PRR14L: variants seen among roughly 807,000 people sequenced by gnomAD.
PRR14L encodes the protein proline rich 14 like, also known as protein PRR14L.
PRR14L carries 80 observed loss-of-function variants against 155.0 expected under a neutral mutation model. The ratio of observed to expected loss-of-function variants is 0.52; its 90% confidence interval spans 0.43 to 0.62. The LOEUF (loss-of-function observed/expected upper bound fraction) is 0.62, where lower values mean the gene tolerates loss of function less well. Among genes scored for constraint, PRR14L ranks in the 20% least tolerant of loss-of-function variants. PRR14L has a pLI of 0.00. For synonymous variants in PRR14L, 883 were observed against 916.0 expected (o/e 0.96, Z 0.65); for missense variants, 2,469 against 2,548.0 (o/e 0.97, Z 0.67).
rs543985222 is a variant in PRR14L at position 31,738,622 on chromosome 22, T to C, written c.239A>G (p.Tyr80Cys). 3.2e-5 allele frequency: 49 copies of C among 1,552,092 alleles called. 1 individual carries two copies. The highest frequency in any genetic ancestry group is 2.9e-4 in the Admixed American group (15 of 50,990). ...THVESCCEET[Y>C]ETLDHGSEPG... ...CTCACTCCCATGATCCAAGGTCTCA[T>C]AGGTTTCTTCACAACAACTCTCCAC... is the stretch of plus-strand genomic sequence containing the variant. Residue 80 changes from tyrosine to cysteine, a missense_variant, in exon 2 of 9, where the codon TAT becomes TGT. By Grantham distance (194) the Tyr-to-Cys change is radical. Coordinates refer to ENST00000327423, the MANE Select transcript of PRR14L (RefSeq NM_173566.3).
chr22:31,749,669 A>G (rs1183168960), intron 1 of PRR14L, among the ~76,000 whole-genome samples: 1 of 152,196 alleles, frequency 6.6e-6, no homozygotes, highest in Non-Finnish European at 1.5e-5. Flanking sequence ...GCTAAGAAAG[A>G]GCGTACGCCT....
intron 3 of PRR14L, 44 bp downstream of exon 3, chr22:31,725,494 T>A: frequency 2.3e-6 from 3 of 1,276,942 alleles, no homozygotes. Flanking sequence ...AAAACAGTAT[T>A]TGCAGTAAGT....
chr22:31,725,027 CCA>C (rs1354358592), intron 3 of PRR14L, among the ~76,000 whole-genome samples: 1 of 152,130 alleles, frequency 6.6e-6, no homozygotes, highest in Non-Finnish European at 1.5e-5. Context: ...CTCCCCTGTT[CCA>C]GTTAACCCTT....
chr22:31,682,699 A>G lies in PRR14L; in HGVS notation c.*2828T>C, dbSNP rs1411315001. On this transcript the variant is annotated 3_prime_UTR_variant, in exon 9 of 9. Coordinates refer to ENST00000327423, the MANE Select transcript of PRR14L (RefSeq NM_173566.3). ...TCCTCTTTCCCATATTAAAAACACTAAACCTCTGGAAGTGATAGTTGAGTA... is the reference window on the plus strand; with the variant it reads ...TCCTCTTTCCCATATTAAAAACACTGAACCTCTGGAAGTGATAGTTGAGTA... 3 of 152,204 alleles carry G rather than the reference A, an allele frequency of 2.0e-5. No individual in the cohort carries two copies. Among genetic ancestry groups the G allele is most frequent in the Non-Finnish European group, 2.9e-5 (2 of 68,038 alleles). The allele number at this position is 152,204 out of a possible 1,614,324, so 9.4% of individuals were successfully genotyped here.
At chr22:31,723,946 G>A (rs1248070849) in intron 3 of PRR14L, among the ~76,000 whole-genome samples, 2 of 152,226 alleles carry the variant, frequency 1.3e-5, no homozygotes, top group Non-Finnish European at 2.9e-5. Context: ...GCAGGCAAGT[G>A]AGCAAAGCTT....
chr22:31,710,152 G>C (rs2074613518), intron 4 of PRR14L, among the ~76,000 whole-genome samples: 1 of 151,874 alleles, frequency 6.6e-6, no homozygotes, highest in Admixed American at 6.6e-5. Flanking sequence ...ATGTTTCCCA[G>C]GCTGGTCTCA....
At chr22:31,726,613 T>C (rs1327265874) in intron 2 of PRR14L, among the ~76,000 whole-genome samples, 1 of 152,188 alleles carries the variant, frequency 6.6e-6, no homozygotes, top group Non-Finnish European at 1.5e-5. Context: ...CTCCCAAATG[T>C]TACTATTCTC....
chr22:31,738,966 AG>A, intron 1 of PRR14L, 55 bp from the exon 2 acceptor site: 1 of 758,404 alleles, frequency 1.3e-6, no homozygotes, highest in Non-Finnish European at 2.1e-6. Flanking sequence ...GGTTAGAAGA[AG>A]GCTGCCTCAG....
At chr22:31,722,430 AAAAG>A (rs568155913) in intron 3 of PRR14L, among the ~76,000 whole-genome samples, 1,755 of 151,332 alleles carry the variant, frequency 0.012, 34 homozygotes, top group African/African-American at 0.04. Flanking sequence ...AAAAAAAAAA[AAAAG>A]AAAGAAAACT....
In PRR14L at chr22:31,682,375, C is replaced by A. The variant is rs900119013; in HGVS notation, c.*3152G>T. 6.7e-6 allele frequency: 1 copy of A among 148,866 alleles called. No individual in the cohort carries two copies. The highest frequency in any genetic ancestry group is 2.6e-5 in the African/African-American group (1 of 39,108). 9.2% of individuals were successfully genotyped at this position (148,866 alleles called of 1,614,324 possible). On this transcript the variant is annotated 3_prime_UTR_variant, in exon 9 of 9. Transcript: ENST00000327423. ...AGCATGGGTTTCTGGGCTCCTCAGG[C>A]TCCGAATAAGGCAAACGCTACATGT...
intron 1 of PRR14L, among the ~76,000 whole-genome samples, chr22:31,739,332 G>A (rs73884211): frequency 8.2e-4 from 124 of 152,132 alleles, no homozygotes; most frequent in African/African-American, 2.8e-3. Flanking sequence ...GTACGTACTC[G>A]GCAAATATTT....
At chr22:31,709,842 C>G (rs963793681) in intron 4 of PRR14L, among the ~76,000 whole-genome samples, 1 of 150,754 alleles carries the variant, frequency 6.6e-6, no homozygotes, top group African/African-American at 2.4e-5. Context: ...TGCCCAGCTT[C>G]CAGGATGGTC....
At chr22:31,705,252 C>T (rs2074584044) in intron 4 of PRR14L, among the ~76,000 whole-genome samples, 2 of 152,166 alleles carry the variant, frequency 1.3e-5, no homozygotes, top group South Asian at 2.1e-4. Flanking sequence ...CAGGGCAAGA[C>T]CCCATCTCTA....
chr22:31,716,828 T>C lies in PRR14L; in HGVS notation c.1011A>G (p.Lys337=), dbSNP rs1023051133. ...TGAAACATGAAACTTCAGAATTTTC[T>C]TTCAAAGGGCTTGTGGCTGTGGGAC... ...HDSPTATSPL[K]ENSEVSCFTS... Residue 337 remains lysine, a synonymous_variant, in exon 4 of 9, where the codon AAA becomes AAG. Coordinates refer to ENST00000327423, the MANE Select transcript of PRR14L (RefSeq NM_173566.3). 4 of 1,551,828 alleles carry C rather than the reference T, an allele frequency of 2.6e-6. No individual in the cohort carries two copies. The highest frequency in any genetic ancestry group is 2.7e-5 in the African/African-American group (2 of 73,062).
intron 2 of PRR14L, among the ~76,000 whole-genome samples, chr22:31,730,267 G>A (rs1451592022): frequency 2.6e-5 from 4 of 152,038 alleles, no homozygotes; most frequent in African/African-American, 7.2e-5. Context: ...GTGAAACCCT[G>A]TCTCTACTAA....
rs543348022 is a variant in PRR14L at position 31,703,583 on chromosome 22, G to A, written c.5967C>T (p.Pro1989=). ...GTTCTGGGGGGCTGCTCTGTGGGCA[G>A]GGGCATGCTGCTTTCACACCATCCA... The part of the protein sequence containing the change: ...DELDGVKAAC[P]CPQSSPPEQK... The change falls in exon 6 of 9, where the codon CCC becomes CCT. Residue 1989 remains proline (P), a synonymous_variant. Coordinates refer to ENST00000327423, the MANE Select transcript of PRR14L (RefSeq NM_173566.3). 6 of 1,613,834 alleles carry A rather than the reference G, an allele frequency of 3.7e-6. No homozygotes were observed. In the South Asian group the frequency reaches 6.6e-5, roughly 18 times the overall value.
At chr22:31,722,417 G>GA (rs563612373) in intron 3 of PRR14L, among the ~76,000 whole-genome samples, 4,912 of 82,114 alleles carry the variant, frequency 0.06, 147 homozygotes, top group Admixed American at 0.17. Flanking sequence ...GTGACAGAAA[G>GA]AAAAAAAAAA....
chr22:31,712,019 C>G, intron 4 of PRR14L, 64 bp downstream of exon 4: 1 of 1,454,170 alleles, frequency 6.9e-7, no homozygotes, highest in Non-Finnish European at 9.3e-7. Context: ...CAGTTCCCCT[C>G]TCATCTCCCC....
rs79027375 is a variant in PRR14L, at chr22:31,697,535, C to T, written c.6107+4121G>A. Among the ~76,000 whole-genome samples the T allele has an allele frequency of 3.4e-3, 515 of 152,224 alleles. 2 individuals carry two copies. Among genetic ancestry groups the T allele is most frequent in the African/African-American group, 0.012 (500 of 41,550 alleles). On this transcript the variant is annotated intron_variant, in intron 7 of 8. Coordinates refer to ENST00000327423, the MANE Select transcript of PRR14L (RefSeq NM_173566.3). ...ATTTTTTCTAGCTATTCTCACTTCT[C>T]ATTAACAATATGTCATCACTTAGAA...
Sources: gnomAD v4.1 joint callset for allele counts (sites outside exome capture counted in the v4.1 genomes callset) on GRCh38, gnomAD v4.1.1 for gene constraint, MANE v1.5 for transcripts, NCBI Gene and HGNC (gene_info 2026-07-23, HGNC 2026-07-21) for gene names.